The following PNN variants were observed in gnomAD, a reference collection of about 807,000 sequenced individuals.
PNN encodes pinin, desmosome associated protein.
PNN carries 38 observed loss-of-function variants against 76.6 expected under a neutral mutation model. That is an observed-to-expected ratio of 0.50 (90% CI 0.38 to 0.65). The LOEUF (loss-of-function observed/expected upper bound fraction) is 0.65, where lower values mean the gene tolerates loss of function less well. Among genes scored for constraint, PNN ranks in the 30% least tolerant of loss-of-function variants. The pLI is 0.00. For missense variants in PNN, 873 were observed against 874.1 expected, an observed-to-expected ratio of 1.00 and a Z score of 0.02; for synonymous variants, 366 against 283.7, an observed-to-expected ratio of 1.29 and a Z score of -2.91.
In PNN at chr14:39,179,097, CG is replaced by C; in HGVS notation, c.507del (p.Arg170AlafsTer60). On this transcript the variant is annotated frameshift_variant, in exon 7 of 9. Transcript: ENST00000216832. LOFTEE classifies it high-confidence loss of function. ...ESTVATERQK[R>X]RQEIEQKLEV... Reference sequence around the variant, plus strand: ...CAGGCTACTTAACTTTTAGCAAAAGCGGCGCCAGGAAATTGAACAAAAACTT... The same window carrying C: ...CAGGCTACTTAACTTTTAGCAAAAGCGCGCCAGGAAATTGAACAAAAACTT... The C allele has an allele frequency of 6.2e-7, 1 of 1,608,558 alleles. No individual in the cohort carries two copies. The highest frequency in any genetic ancestry group is 8.5e-7 in the Non-Finnish European group (1 of 1,178,698).
rs1203031866 is a variant in PNN at position 39,180,897 on chromosome 14, C to G, written c.1188C>G (p.Val396=). 4 of 1,613,860 alleles carry G rather than the reference C, an allele frequency of 2.5e-6. No homozygotes were observed. The highest frequency in any genetic ancestry group is 4.5e-5 in the East Asian group (2 of 44,888). ...ATGTGCTAGAGATGGTTGAGAATGT[C>G]AAACATGTAATTGCTGACCAGGAGG... ...VMDVLEMVEN[V]KHVIADQEVM... The change falls in exon 9 of 9, where the codon GTC becomes GTG. Residue 396 remains valine, a synonymous_variant. Coordinates refer to ENST00000216832, the MANE Select transcript of PNN (RefSeq NM_002687.4).
chr14:39,176,724 C>CA, intron 3 of PNN, 129 bp downstream of exon 3: 1 of 658,088 alleles, frequency 1.5e-6, no homozygotes. Context: ...CCTGCCCCCC[C>CA]CAAGTTCTGT....
chr14:39,179,073 A>G lies in PNN; in HGVS notation c.499-18A>G. On this transcript the variant is annotated intron_variant, in intron 6 of 8. Transcript: ENST00000216832. ...TATTTCAACACGTAAGTATTAAAGC[A>G]GGCTACTTAACTTTTAGCAAAAGCG... The G allele has an allele frequency of 1.2e-6, 2 of 1,603,782 alleles. No homozygotes were observed. Among genetic ancestry groups the G allele is most frequent in the Non-Finnish European group, 1.7e-6 (2 of 1,176,758 alleles).
chr14:39,182,012 A>G lies in PNN; in HGVS notation c.*149A>G, dbSNP rs1256494351. The G allele has an allele frequency of 1.5e-6, 1 of 675,446 alleles. No individual in the cohort carries two copies. The highest frequency in any genetic ancestry group is 2.3e-6 in the Non-Finnish European group (1 of 436,404). 41.8% of individuals were successfully genotyped at this position (675,446 alleles called of 1,614,324 possible). A position where few individuals can be genotyped will look rare whatever the true frequency, so the allele number is the denominator to read the frequency against. ...AAAATACAGACTGTTTGTTTACCAG[A>G]CATTCTTGTACTTTTTGCATAATTT... On this transcript the variant is annotated 3_prime_UTR_variant, in exon 9 of 9. Coordinates refer to ENST00000216832, the MANE Select transcript of PNN (RefSeq NM_002687.4).
chr14:39,179,590 AATAAG>A (rs2053254913), intron 8 of PNN, 128 bp downstream of exon 8: 1 of 788,692 alleles, frequency 1.3e-6, no homozygotes, highest in Middle Eastern at 3.9e-4. Flanking sequence ...TTTTTTTTTA[AATAAG>A]ATAATAAGAT....
rs749444445 is a variant in PNN at position 39,177,846 on chromosome 14, G to A, written c.428G>A (p.Arg143Gln). ...TTTCTTATTCTGTTCTTTAGGAACCGGCGAATATTTGGCTTGTTGATGGGT... is the reference window on the plus strand; with the variant it reads ...TTTCTTATTCTGTTCTTTAGGAACCAGCGAATATTTGGCTTGTTGATGGGT... ...NMDEKGKQRN[R>Q]RIFGLLMGTL... is the part of the protein sequence containing the mutation. Residue 143 changes from arginine (R) to glutamine (Q), a missense_variant, in exon 6 of 9, where the codon CGG becomes CAG. By Grantham distance (43) the Arg-to-Gln change is conservative. Coordinates refer to ENST00000216832, the MANE Select transcript of PNN (RefSeq NM_002687.4). 3.7e-6 allele frequency: 6 copies of A among 1,609,288 alleles called. No individual in the cohort carries two copies. Among genetic ancestry groups the A allele is most frequent in the African/African-American group, 1.3e-5 (1 of 74,916 alleles).
At chr14:39,176,346 C>T in intron 2 of PNN, 181 bp from the exon 3 acceptor site, 1 of 634,562 alleles carries the variant, frequency 1.6e-6, no homozygotes, top group Non-Finnish European at 2.8e-6. Context: ...ATTAAGTTTA[C>T]CAATTTTGAG....
At chr14:39,178,944 C>T in intron 6 of PNN, 147 bp from the exon 7 acceptor site, 2 of 704,524 alleles carry the variant, frequency 2.8e-6, no homozygotes. Flanking sequence ...GTGTTGGCTT[C>T]TGACTTCAGA....
Position 39,178,986 on chromosome 14 carries a change from T to C in PNN, c.499-105T>C, listed in dbSNP as rs2053250616. 5 of 1,007,142 alleles carry C rather than the reference T, an allele frequency of 5.0e-6. No individual in the cohort carries two copies. The South Asian group carries it at 8.6e-5, about 17-fold the overall frequency. The allele number at this position is 1,007,142 out of a possible 1,614,324, so 62.4% of individuals were successfully genotyped here. A position where few individuals can be genotyped will look rare whatever the true frequency, so the allele number is the denominator to read the frequency against. Reference sequence around the variant, plus strand: ...ACCTGCCTCTAATGTTTCACGTAATTAGTATGTGTAATAACTTTTTATCAT... The same window carrying C: ...ACCTGCCTCTAATGTTTCACGTAATCAGTATGTGTAATAACTTTTTATCAT... On this transcript the variant is annotated intron_variant, in intron 6 of 8. Coordinates refer to ENST00000216832, the MANE Select transcript of PNN (RefSeq NM_002687.4).
chr14:39,175,533 G>T, intron 1 of PNN, 141 bp downstream of exon 1: 1 of 668,550 alleles, frequency 1.5e-6, no homozygotes. Context: ...GTAAAACCCT[G>T]TTGTCGCCGA....
intron 6 of PNN, 81 bp from the exon 7 acceptor site, chr14:39,179,009 CA>C: frequency 6.1e-6 from 8 of 1,310,992 alleles, no homozygotes; most frequent in Non-Finnish European, 8.4e-6. Context: ...AACTTTTTAT[CA>C]TAATTGAACT....
rs1428893489 is a variant in PNN at position 39,182,742 on chromosome 14, T to C, written c.*879T>C. The C allele has an allele frequency of 6.5e-6, 1 of 152,676 alleles. No individual in the cohort carries two copies. Among genetic ancestry groups the C allele is most frequent in the African/African-American group, 2.4e-5 (1 of 41,478 alleles). The allele number at this position is 152,676 out of a possible 1,614,324, so 9.5% of individuals were successfully genotyped here. On this transcript the variant is annotated 3_prime_UTR_variant, in exon 9 of 9. Transcript: ENST00000216832. ...CTAACTTAAACATGCTGATATGTGTTTTCAAGAATTTTGTTTAAGGAAGTA... is the reference window on the plus strand; with the variant it reads ...CTAACTTAAACATGCTGATATGTGTCTTCAAGAATTTTGTTTAAGGAAGTA...
In PNN at chr14:39,182,004, T is replaced by C; in HGVS notation, c.*141T>C. The C allele has an allele frequency of 6.7e-6, 5 of 750,798 alleles. No individual in the cohort carries two copies. Among genetic ancestry groups the C allele is most frequent in the Non-Finnish European group, 1.0e-5 (5 of 493,010 alleles). The allele number at this position is 750,798 out of a possible 1,614,324, so 46.5% of individuals were successfully genotyped here. Reference sequence around the variant, plus strand: ...CTTTTTGGAAAATACAGACTGTTTGTTTACCAGACATTCTTGTACTTTTTG... The same window carrying C: ...CTTTTTGGAAAATACAGACTGTTTGCTTACCAGACATTCTTGTACTTTTTG... On this transcript the variant is annotated 3_prime_UTR_variant, in exon 9 of 9. Transcript: ENST00000216832.
rs764779683 is a variant in PNN, at chr14:39,175,328, G to A, written c.49G>A (p.Glu17Lys). The change falls in exon 1 of 9, where the codon GAG becomes AAG. Residue 17 changes from glutamate (E) to lysine (K), a missense_variant. Around this residue, in one of 3 missense-constraint regions of PNN, gnomAD observed 156 missense variants for 161.7 expected, o/e 0.96. Coordinates refer to ENST00000216832, the MANE Select transcript of PNN (RefSeq NM_002687.4). Reference sequence around the variant, plus strand: ...GCAGGAACAGCTGGAAAAGGCCAAAGAGAGTCTTAAGAACGTGGATGAGAA... The same window carrying A: ...GCAGGAACAGCTGGAAAAGGCCAAAAAGAGTCTTAAGAACGTGGATGAGAA... ...TLQEQLEKAKESLKNVDENIR... is the reference protein window; with the variant it reads ...TLQEQLEKAKKSLKNVDENIR... 3 of 1,612,296 alleles carry A rather than the reference G, an allele frequency of 1.9e-6. No individual in the cohort carries two copies. The highest frequency in any genetic ancestry group is 2.5e-6 in the Non-Finnish European group (3 of 1,179,194).
At chr14:39,177,522 T>G in intron 4 of PNN, 38 bp downstream of exon 4, 1 of 1,576,562 alleles carries the variant, frequency 6.3e-7, no homozygotes, top group Non-Finnish European at 8.7e-7. Flanking sequence ...ATGTAGTACC[T>G]TCACTTTACT....
intron 6 of PNN, 31 bp from the exon 7 acceptor site, chr14:39,179,060 T>G: frequency 1.3e-6 from 2 of 1,590,120 alleles, no homozygotes; most frequent in Non-Finnish European, 1.7e-6. Context: ...TTTCAACACG[T>G]AAGTATTAAA....
intron 3 of PNN, among the ~76,000 whole-genome samples, 153 bp from the exon 4 acceptor site, chr14:39,177,259 G>A (rs553755560): frequency 6.6e-6 from 1 of 152,268 alleles, no homozygotes; most frequent in South Asian, 2.1e-4. Flanking sequence ...GCTGGCTCAC[G>A]CCTGTAGTCC....
intron 8 of PNN, among the ~76,000 whole-genome samples, chr14:39,179,876 TG>T (rs1223875610): frequency 6.7e-6 from 1 of 149,186 alleles, no homozygotes; most frequent in African/African-American, 2.5e-5. Context: ...AACTCCAGCC[TG>T]GGCAACAGAG....
rs61670617 is a variant in PNN at position 39,178,724 on chromosome 14, G to GAAA, written c.499-347_499-345dup. Among the ~76,000 whole-genome samples the GAAA allele has an allele frequency of 1.8e-3, 206 of 114,156 alleles. 2 individuals are homozygous for GAAA. The highest frequency in any genetic ancestry group is 6.1e-3 in the African/African-American group (183 of 29,764). The allele number at this position is 114,156 out of a possible 152,430, so 74.9% of individuals were successfully genotyped here. A position where few individuals can be genotyped will look rare whatever the true frequency, so the allele number is the denominator to read the frequency against. On this transcript the variant is annotated intron_variant, in intron 6 of 8. Coordinates refer to ENST00000216832, the MANE Select transcript of PNN (RefSeq NM_002687.4). ...CGGCCTGCAGATACCTTTACATAGT[G>GAAA]AAAAAAAAAAAAAAAAAAAAAATTT...
Sources: gnomAD v4.1 joint callset for allele counts (sites outside exome capture counted in the v4.1 genomes callset) on GRCh38, gnomAD v4.1.1 for gene constraint, gnomAD v4.1.1 regional missense constraint, MANE v1.5 for transcripts, NCBI Gene and HGNC (gene_info 2026-07-23, HGNC 2026-07-21) for gene names.